The following SLC44A5 variants were observed in gnomAD, a reference collection of about 807,000 sequenced individuals.
SLC44A5 encodes the protein choline transporter-like protein 5.
A neutral mutation model predicts 101.8 loss-of-function variants in SLC44A5; 57 were observed. The observed-to-expected ratio is 0.56, with a 90% CI of 0.45 to 0.70. The LOEUF is 0.70. SLC44A5 is among the 30% of genes least tolerant of loss of function. The pLI is 0.00. For missense variants in SLC44A5, 737 were observed against 853.1 expected, an observed-to-expected ratio of 0.86 and a Z score of 1.70; for synonymous variants, 281 against 290.9, an observed-to-expected ratio of 0.97 and a Z score of 0.35.
chr1:75,299,627 G>A (rs1324709244), intron 5 of SLC44A5, among the ~76,000 whole-genome samples: 1 of 152,032 alleles, frequency 6.6e-6, no homozygotes, highest in Non-Finnish European at 1.5e-5. Flanking sequence ...CTATGTCTCT[G>A]GGGAAAAAGA....
chr1:75,212,439 C>T (rs1386279821), intron 22 of SLC44A5, among the ~76,000 whole-genome samples: 1 of 152,048 alleles, frequency 6.6e-6, no homozygotes, highest in African/African-American at 2.4e-5. Context: ...TGAGAACATG[C>T]AGCATTTGGT....
chr1:75,698,001 T>C, the SLC44A5 span, among the ~76,000 whole-genome samples: 1 of 152,190 alleles, frequency 6.6e-6, no homozygotes, highest in Non-Finnish European at 1.5e-5. Context: ...TGGAGGGTCC[T>C]ATGCCCACGG....
the SLC44A5 span, among the ~76,000 whole-genome samples, chr1:75,632,605 T>TC: frequency 1.8e-5 from 2 of 110,686 alleles, no homozygotes; most frequent in Non-Finnish European, 3.6e-5. Context: ...CTATCATTCC[T>TC]GTTTTTCCAT....
chr1:75,414,030 AT>A (rs1345840873), intron 2 of SLC44A5, among the ~76,000 whole-genome samples: 1 of 151,858 alleles, frequency 6.6e-6, no homozygotes, highest in East Asian at 1.9e-4. Context: ...GGGAACCGTA[AT>A]TTTTTCACCA....
intron 5 of SLC44A5, among the ~76,000 whole-genome samples, chr1:75,285,944 G>T (rs1220641975): frequency 1.3e-5 from 2 of 152,028 alleles, no homozygotes; most frequent in Non-Finnish European, 2.9e-5. Context: ...CATATATTCT[G>T]CAGTTGTTGG....
At chr1:75,401,295 C>A (rs945697861) in intron 2 of SLC44A5, among the ~76,000 whole-genome samples, 2 of 152,192 alleles carry the variant, frequency 1.3e-5, no homozygotes, top group Non-Finnish European at 2.9e-5. Context: ...ATGCTGGGCA[C>A]TGGAACTACA....
intron 5 of SLC44A5, among the ~76,000 whole-genome samples, chr1:75,297,445 T>C (rs973909283): frequency 2.0e-5 from 3 of 152,022 alleles, no homozygotes; most frequent in African/African-American, 7.2e-5. Flanking sequence ...CCATGACACC[T>C]GGCTAATTTT....
chr1:75,459,391 C>T (rs976783696), intron 2 of SLC44A5, among the ~76,000 whole-genome samples: 1 of 152,156 alleles, frequency 6.6e-6, no homozygotes, highest in Non-Finnish European at 1.5e-5. Context: ...GACAAATGTA[C>T]ATAGCTATGT....
the SLC44A5 span, among the ~76,000 whole-genome samples, chr1:75,670,811 C>A: frequency 6.6e-6 from 1 of 152,044 alleles, no homozygotes; most frequent in Non-Finnish European, 1.5e-5. Context: ...CCTGATTATC[C>A]CAATAATAGG....
chr1:75,418,861 C>T (rs577761044), intron 2 of SLC44A5, among the ~76,000 whole-genome samples: 1 of 152,196 alleles, frequency 6.6e-6, no homozygotes, highest in African/African-American at 2.4e-5. Flanking sequence ...GAATTAATTG[C>T]TGTCCTGCTA....
At chr1:75,592,074 A>G (rs1674386975) in intron 1 of SLC44A5, among the ~76,000 whole-genome samples, 1 of 152,192 alleles carries the variant, frequency 6.6e-6, no homozygotes, top group Non-Finnish European at 1.5e-5. Flanking sequence ...CAAATTGGAA[A>G]GGAAGAAGTC....
chr1:75,402,961 G>C (rs1371684837), intron 2 of SLC44A5, among the ~76,000 whole-genome samples: 1 of 152,186 alleles, frequency 6.6e-6, no homozygotes, highest in African/African-American at 2.4e-5. Flanking sequence ...AATTCTCGCT[G>C]ACAGCACAGC....
chr1:75,293,347 A>C (rs1245445707), intron 5 of SLC44A5, among the ~76,000 whole-genome samples: 1 of 152,152 alleles, frequency 6.6e-6, no homozygotes, highest in East Asian at 1.9e-4. Flanking sequence ...GCCCTCTGTC[A>C]AGGAGAAAAT....
intron 3 of SLC44A5, among the ~76,000 whole-genome samples, chr1:75,349,142 G>A (rs1413936804): frequency 1.3e-5 from 2 of 152,170 alleles, no homozygotes; most frequent in Non-Finnish European, 2.9e-5. Flanking sequence ...CAGAGGTCAG[G>A]AGTTCTAGAC....
At chr1:75,227,422 G>C (rs560088205) in intron 13 of SLC44A5, among the ~76,000 whole-genome samples, 2 of 152,100 alleles carry the variant, frequency 1.3e-5, no homozygotes, top group African/African-American at 4.8e-5. Flanking sequence ...TCAAGCATTT[G>C]TTTCTTTTTA....
the SLC44A5 span, among the ~76,000 whole-genome samples, chr1:75,620,631 T>C: frequency 6.6e-6 from 1 of 152,228 alleles, no homozygotes; most frequent in Non-Finnish European, 1.5e-5. Context: ...ATGTCTTCTT[T>C]CAAGAAGTGC....
the SLC44A5 span, among the ~76,000 whole-genome samples, chr1:75,651,448 G>A: frequency 3.3e-5 from 5 of 152,004 alleles, no homozygotes; most frequent in African/African-American, 7.2e-5. Context: ...AACAATACTC[G>A]CACTCTGGGA....
intron 3 of SLC44A5, among the ~76,000 whole-genome samples, chr1:75,341,616 T>C (rs2101037953): frequency 6.6e-6 from 1 of 152,156 alleles, no homozygotes; most frequent in Non-Finnish European, 1.5e-5. Flanking sequence ...ATTTCAACAC[T>C]GTGTGGTAAG....
chr1:75,696,361 G>A, the SLC44A5 span, among the ~76,000 whole-genome samples: 1 of 152,170 alleles, frequency 6.6e-6, no homozygotes, highest in African/African-American at 2.4e-5. Flanking sequence ...ATGTTCAAAG[G>A]AAGAGAACTA....
Sources: gnomAD v4.1 joint callset for allele counts (sites outside exome capture counted in the v4.1 genomes callset) on GRCh38, gnomAD v4.1.1 for gene constraint, MANE v1.5 for transcripts, NCBI Gene and HGNC (gene_info 2026-07-23, HGNC 2026-07-21) for gene names.